FSHR: variants seen among roughly 807,000 people sequenced by gnomAD.
FSHR encodes follicle-stimulating hormone receptor.
FSHR carries 46 observed loss-of-function variants against 52.1 expected under a neutral mutation model. The observed-to-expected ratio is 0.88, with a 90% CI of 0.70 to 1.13. The LOEUF (loss-of-function observed/expected upper bound fraction) is 1.13. Ranked by LOEUF, FSHR falls within the 50% of genes most tolerant of loss-of-function variation. The probability of loss-of-function intolerance (pLI) is 0.00; values close to 1 mark genes in which losing one functional copy is unlikely to be tolerated. For missense variants in FSHR, 964 were observed against 834.6 expected (o/e 1.16, Z -1.91); for synonymous variants, 399 against 309.6 (o/e 1.29, Z -3.03).
At chr2:49,124,438 T>A (rs1572775963) in intron 1 of FSHR, among the ~76,000 whole-genome samples, 1 of 152,190 alleles carries the variant, frequency 6.6e-6, no homozygotes, top group Admixed American at 6.5e-5. Context: ...TATAGAATTA[T>A]TTTTAAAAGT....
At chr2:49,046,438 G>C (rs947197198) in intron 2 of FSHR, among the ~76,000 whole-genome samples, 3 of 152,152 alleles carry the variant, frequency 2.0e-5, no homozygotes, top group Admixed American at 6.6e-5. Context: ...TCAACTGTGT[G>C]CTGATGGGCA....
At chr2:48,969,888 G>A (rs558780177) in intron 8 of FSHR, among the ~76,000 whole-genome samples, 2 of 152,324 alleles carry the variant, frequency 1.3e-5, no homozygotes, top group Admixed American at 6.5e-5. Context: ...GTGAGAACAA[G>A]GAGATTTAAA....
At chr2:48,989,128 T>G in intron 5 of FSHR, 74 bp from the exon 6 acceptor site, 1 of 1,114,534 alleles carries the variant, frequency 9.0e-7, no homozygotes, top group African/African-American at 1.5e-5. Context: ...TTAGTTTAAC[T>G]GGCATGATGC....
intron 1 of FSHR, among the ~76,000 whole-genome samples, chr2:49,099,268 G>A (rs1670939457): frequency 6.6e-6 from 1 of 152,084 alleles, no homozygotes; most frequent in South Asian, 2.1e-4. Flanking sequence ...TGTTCTCACA[G>A]TATTGAATAG....
chr2:49,051,989 G>C (rs1253467377), intron 2 of FSHR, among the ~76,000 whole-genome samples: 1 of 151,916 alleles, frequency 6.6e-6, no homozygotes, highest in East Asian at 1.9e-4. Flanking sequence ...ACACTTTTGG[G>C]ATATAGATGA....
intron 1 of FSHR, among the ~76,000 whole-genome samples, chr2:49,105,140 C>G (rs938153799): frequency 6.6e-6 from 1 of 152,054 alleles, no homozygotes; most frequent in East Asian, 1.9e-4. Context: ...AACACAAACA[C>G]AAATCACAAA....
chr2:49,013,456 A>G (rs1320643182), intron 4 of FSHR, among the ~76,000 whole-genome samples: 1 of 127,866 alleles, frequency 7.8e-6, no homozygotes, highest in South Asian at 2.6e-4. Flanking sequence ...CCCTGAATAT[A>G]TATATAAATA....
rs532344678 is a variant in FSHR at position 49,102,473 on chromosome 2, C to T, written c.153-34183G>A. On this transcript the variant is annotated intron_variant, in intron 1 of 9. Transcript: ENST00000406846. ...TTCAGCCAGGAGGTCAAAATCAAGA[C>T]GTATGGTGTTTACAAAAATGTGAGA... is the stretch of plus-strand genomic sequence containing the variant. Among the ~76,000 whole-genome samples, 6 of 152,188 alleles carry T rather than the reference C, an allele frequency of 3.9e-5. No individual in the cohort carries two copies. The East Asian group carries it at 5.8e-4, about 15-fold the overall frequency.
At chr2:48,965,647 G>A (rs987723131) in intron 9 of FSHR, among the ~76,000 whole-genome samples, 10 of 152,178 alleles carry the variant, frequency 6.6e-5, no homozygotes, top group African/African-American at 2.4e-4. Flanking sequence ...ATTGGACTGA[G>A]CTCTGACTTA....
chr2:48,981,901 A>T (rs555903410), intron 8 of FSHR, among the ~76,000 whole-genome samples: 7 of 152,330 alleles, frequency 4.6e-5, no homozygotes, highest in Admixed American at 3.9e-4. Context: ...TAAACGCCTG[A>T]CTTGACTTAA....
At chr2:49,018,097 GA>G (rs1335812629) in intron 3 of FSHR, among the ~76,000 whole-genome samples, 1 of 152,178 alleles carries the variant, frequency 6.6e-6, no homozygotes, top group Non-Finnish European at 1.5e-5. Flanking sequence ...AAATGGCAAA[GA>G]AAAAGAAAGT....
rs537753563 is a variant in FSHR, at chr2:48,987,960, A to T, written c.524+1017T>A. Among the ~76,000 whole-genome samples the T allele has an allele frequency of 1.8e-4, 27 of 152,232 alleles. No homozygotes were observed. In the South Asian group the frequency reaches 4.8e-3, roughly 27 times the overall value. On this transcript the variant is annotated intron_variant, in intron 6 of 9. Coordinates refer to ENST00000406846, the MANE Select transcript of FSHR (RefSeq NM_000145.4). ...GTCCTAATATCTATGTATTTTGAAT[A>T]CATTCCTTTGATTTAATTTTATTGT...
chr2:49,082,720 C>T (rs570751114), intron 1 of FSHR, among the ~76,000 whole-genome samples: 8 of 152,014 alleles, frequency 5.3e-5, no homozygotes, highest in South Asian at 4.2e-4. Context: ...GGAGCCGATG[C>T]GATCAACTGG....
intron 5 of FSHR, 105 bp downstream of exon 5, chr2:48,990,461 A>T: frequency 1.2e-6 from 1 of 821,766 alleles, no homozygotes; most frequent in South Asian, 1.4e-5. Context: ...AGAGCAATAC[A>T]TTTGGAGGAT....
At chr2:49,015,075 G>T in intron 4 of FSHR, 1 of 295,620 alleles carries the variant, frequency 3.4e-6, no homozygotes, top group Non-Finnish European at 6.6e-6. Context: ...TTTGCAAAGT[G>T]TTTTTTTATT....
chr2:49,062,981 G>A (rs1348446973), intron 2 of FSHR, among the ~76,000 whole-genome samples: 1 of 152,098 alleles, frequency 6.6e-6, no homozygotes, highest in African/African-American at 2.4e-5. Flanking sequence ...ACTGTTGGTG[G>A]GAATAGAAGT....
chr2:49,150,916 C>T (rs537630963), intron 1 of FSHR, among the ~76,000 whole-genome samples: 2 of 152,148 alleles, frequency 1.3e-5, no homozygotes, highest in South Asian at 4.1e-4. Context: ...CTCACCTTTT[C>T]ACATGGTTGA....
intron 8 of FSHR, 81 bp from the exon 9 acceptor site, chr2:48,968,964 A>T: frequency 8.2e-7 from 1 of 1,220,508 alleles, no homozygotes; most frequent in East Asian, 2.4e-5. Flanking sequence ...AAAATAGCAG[A>T]CACACTAGTG....
At chr2:49,087,229 T>C (rs1039565235) in intron 1 of FSHR, among the ~76,000 whole-genome samples, 1 of 151,990 alleles carries the variant, frequency 6.6e-6, no homozygotes, top group African/African-American at 2.4e-5. Flanking sequence ...GAGGTTAGGC[T>C]TTTTGGTAAC....
Sources: allele counts gnomAD v4.1 joint callset (sites outside exome capture counted in the v4.1 genomes callset), GRCh38; gene constraint gnomAD v4.1.1; transcripts MANE v1.5; gene names NCBI Gene and HGNC (gene_info 2026-07-23, HGNC 2026-07-21).